Variants in PTGIS observed in about 807,000 individuals in gnomAD.
The protein encoded by PTGIS is prostaglandin I2 synthase, also known as prostacyclin synthase.
PTGIS carries 45 observed loss-of-function variants against 50.3 expected under a neutral mutation model. The observed-to-expected ratio is 0.90, with a 90% confidence interval of 0.70 to 1.15. PTGIS has a LOEUF of 1.15. Ranked by LOEUF, PTGIS falls within the 50% of genes most tolerant of loss-of-function variation. The probability of loss-of-function intolerance (pLI) is 0.00; values close to 1 mark genes in which losing one functional copy is unlikely to be tolerated. For synonymous variants in PTGIS, 260 were observed against 267.7 expected (o/e 0.97, Z 0.28); for missense variants, 668 against 661.3 (o/e 1.01, Z -0.11).
Position 49,505,567 on chromosome 20 carries a change from A to T in PTGIS, c.*2353T>A, listed in dbSNP as rs1393522094. 2 of 152,556 alleles carry T rather than the reference A, an allele frequency of 1.3e-5. No individual in the cohort carries two copies. Among genetic ancestry groups the T allele is most frequent in the Non-Finnish European group, 2.9e-5 (2 of 68,036 alleles). 9.5% of individuals were successfully genotyped at this position (152,556 alleles called of 1,614,324 possible). A position where few individuals can be genotyped will look rare whatever the true frequency, so the allele number is the denominator to read the frequency against. Reference sequence around the variant, plus strand: ...CAGTGACAACCCAGCCTGATTTGGAAGGGGGGAGTCATAAGGGTTTTCGCC... The same window carrying T: ...CAGTGACAACCCAGCCTGATTTGGATGGGGGGAGTCATAAGGGTTTTCGCC... On this transcript the variant is annotated 3_prime_UTR_variant, in exon 10 of 10. Transcript: ENST00000244043.
chr20:49,514,763 C>T (rs1270905453), intron 6 of PTGIS, among the ~76,000 whole-genome samples: 1 of 152,200 alleles, frequency 6.6e-6, no homozygotes, highest in Non-Finnish European at 1.5e-5. Context: ...CTTCCCCAAT[C>T]GCAGAATCCA....
At chr20:49,526,742 T>C (rs1047263627) in intron 5 of PTGIS, among the ~76,000 whole-genome samples, 5 of 152,220 alleles carry the variant, frequency 3.3e-5, no homozygotes, top group African/African-American at 1.2e-4. Context: ...TCAACACCAT[T>C]AGTCATTAGA....
intron 5 of PTGIS, among the ~76,000 whole-genome samples, chr20:49,536,470 C>CTT (rs1471525960): frequency 0.012 from 1,580 of 134,332 alleles, 23 homozygotes; most frequent in African/African-American, 0.018. Flanking sequence ...TTCTTTCTTT[C>CTT]TTTCTTTCTT....
chr20:49,542,766 G>A (rs1476903949), intron 4 of PTGIS, among the ~76,000 whole-genome samples: 1 of 152,224 alleles, frequency 6.6e-6, no homozygotes. Flanking sequence ...AATGGGGACT[G>A]TTCGTGTGCT....
At chr20:49,559,427 T>A (rs967462692) in intron 1 of PTGIS, among the ~76,000 whole-genome samples, 5 of 152,216 alleles carry the variant, frequency 3.3e-5, no homozygotes, top group Non-Finnish European at 5.9e-5. Flanking sequence ...CGTTACTCTG[T>A]GAACTCACTC....
At chr20:49,534,137 GC>G (rs1205909232) in intron 5 of PTGIS, among the ~76,000 whole-genome samples, 1 of 152,038 alleles carries the variant, frequency 6.6e-6, no homozygotes, top group Non-Finnish European at 1.5e-5. Context: ...TATTTAATCA[GC>G]CCTTACTGAT....
intron 8 of PTGIS, 108 bp from the exon 9 acceptor site, chr20:49,511,287 TG>T (rs1486336517): frequency 7.4e-7 from 1 of 1,347,260 alleles, no homozygotes; most frequent in African/African-American, 1.4e-5. Flanking sequence ...AGGGAAAAAC[TG>T]GAAACCATAT....
intron 6 of PTGIS, among the ~76,000 whole-genome samples, chr20:49,520,178 C>T (rs1024108146): frequency 1.3e-5 from 2 of 152,222 alleles, no homozygotes; most frequent in Admixed American, 6.5e-5. Flanking sequence ...AGGGCCTTTG[C>T]ACTTGCTGCT....
Position 49,539,657 on chromosome 20 carries a change from C to T in PTGIS, c.586G>A (p.Asp196Asn). The part of the protein sequence containing the change: ...LPRTHESQAQ[D>N]RVHSADVFHT... Reference sequence around the variant, plus strand: ...AAGACATCAGCTGAGTGGACGCGGTCCTGGGCCTGGCTTTCATGGGTGCGT... The same window carrying T: ...AAGACATCAGCTGAGTGGACGCGGTTCTGGGCCTGGCTTTCATGGGTGCGT... Residue 196 changes from aspartate (D) to asparagine (N), a missense_variant, in exon 5 of 10, where the codon GAC (aspartate) becomes AAC (asparagine). By Grantham distance (23) the Asp-to-Asn change is conservative. Coordinates refer to ENST00000244043, the MANE Select transcript of PTGIS (RefSeq NM_000961.4). The T allele has an allele frequency of 6.2e-7, 1 of 1,613,916 alleles. No homozygotes were observed. The highest frequency in any genetic ancestry group is 8.5e-7 in the Non-Finnish European group (1 of 1,179,956).
At position 49,507,842 on chromosome 20, in the gene PTGIS, A is replaced by T. The variant is rs1483297649; in HGVS notation, c.*78T>A. On this transcript the variant is annotated 3_prime_UTR_variant, in exon 10 of 10. Transcript: ENST00000244043. Reference sequence around the variant, plus strand: ...GCACCTGCACCCGGGCCAACTGTGCACACAGAAAGCTGGGAGGCTGGGGCA... The same window carrying T: ...GCACCTGCACCCGGGCCAACTGTGCTCACAGAAAGCTGGGAGGCTGGGGCA... 8 of 1,590,636 alleles carry T rather than the reference A, an allele frequency of 5.0e-6. No homozygotes were observed. The East Asian group carries it at 1.3e-4, about 27-fold the overall frequency.
chr20:49,519,374 A>C (rs557551304), intron 6 of PTGIS, among the ~76,000 whole-genome samples: 55 of 152,128 alleles, frequency 3.6e-4, no homozygotes, highest in Non-Finnish European at 7.1e-4. Context: ...GTATCTTTTG[A>C]GATTATTATT....
chr20:49,556,896 C>T (rs1398269153), intron 1 of PTGIS, among the ~76,000 whole-genome samples: 2 of 151,446 alleles, frequency 1.3e-5, no homozygotes, highest in Non-Finnish European at 2.9e-5. Flanking sequence ...CTCATTTTTC[C>T]TGATGTGAAA....
At chr20:49,524,791 T>G (rs552104534) in intron 5 of PTGIS, among the ~76,000 whole-genome samples, 1 of 152,094 alleles carries the variant, frequency 6.6e-6, no homozygotes, top group Admixed American at 6.6e-5. Flanking sequence ...TGAGACTTAT[T>G]CACTACAAGG....
chr20:49,553,150 T>C (rs1265906854), intron 1 of PTGIS, among the ~76,000 whole-genome samples: 1 of 152,138 alleles, frequency 6.6e-6, no homozygotes, highest in Non-Finnish European at 1.5e-5. Flanking sequence ...TTGTTTTATA[T>C]GTATTAGTCA....
At chr20:49,513,799 G>A (rs558290434) in intron 7 of PTGIS, among the ~76,000 whole-genome samples, 1 of 152,272 alleles carries the variant, frequency 6.6e-6, no homozygotes, top group South Asian at 2.1e-4. Context: ...CACTGTAAGA[G>A]ATTCAGAGTC....
intron 1 of PTGIS, among the ~76,000 whole-genome samples, chr20:49,560,834 G>C (rs1982753811): frequency 1.3e-5 from 2 of 152,216 alleles, no homozygotes; most frequent in Non-Finnish European, 2.9e-5. Context: ...TGACTTTGTG[G>C]ACCACGAGGG....
chr20:49,518,236 T>A (rs1207677678), intron 6 of PTGIS, among the ~76,000 whole-genome samples: 3 of 152,136 alleles, frequency 2.0e-5, no homozygotes, highest in Non-Finnish European at 4.4e-5. Flanking sequence ...TTAGTGTAGG[T>A]CATAAATTGT....
At chr20:49,545,996 T>C (rs1982347981) in intron 3 of PTGIS, among the ~76,000 whole-genome samples, 3 of 152,132 alleles carry the variant, frequency 2.0e-5, no homozygotes, top group Non-Finnish European at 2.9e-5. Context: ...AGTTGGAACA[T>C]AGTGGGAAAA....
At chr20:49,512,409 G>GTGGATGGA (rs1981347544) in intron 8 of PTGIS, among the ~76,000 whole-genome samples, 1 of 151,912 alleles carries the variant, frequency 6.6e-6, no homozygotes, top group East Asian at 1.9e-4. Context: ...AAATTGGTGG[G>GTGGATGGA]TGGATGGATG....
Sources: gnomAD v4.1 joint callset for allele counts (sites outside exome capture counted in the v4.1 genomes callset) on GRCh38, gnomAD v4.1.1 for gene constraint, MANE v1.5 for transcripts, NCBI Gene and HGNC (gene_info 2026-07-23, HGNC 2026-07-21) for gene names.